The following BCL6 variants were observed in gnomAD, a reference collection of about 807,000 sequenced individuals.
BCL6 encodes B-cell lymphoma 6 protein.
BCL6 carries 7 observed loss-of-function variants against 59.5 expected under a neutral mutation model. The ratio of observed to expected loss-of-function variants is 0.12; its 90% CI spans 0.07 to 0.22. The LOEUF (loss-of-function observed/expected upper bound fraction) is 0.22, where lower values mean the gene tolerates loss of function less well. Among genes scored for constraint, BCL6 ranks in the 10% least tolerant of loss-of-function variants. BCL6 has a pLI of 1.00. For missense variants in BCL6, 685 were observed against 939.4 expected, an observed-to-expected ratio of 0.73 and a Z score of 3.54; for synonymous variants, 339 against 349.7, an observed-to-expected ratio of 0.97 and a Z score of 0.34.
At chr3:187,732,958 A>C (rs923808078) in intron 3 of BCL6, among the ~76,000 whole-genome samples, 9 of 152,208 alleles carry the variant, frequency 5.9e-5, no homozygotes, top group African/African-American at 1.7e-4. Flanking sequence ...TGAAGGCAAT[A>C]GTGTAATGCA....
At chr3:187,736,779 T>A (rs1719301410) in intron 1 of BCL6, 1 of 152,060 alleles carries the variant, frequency 6.6e-6, no homozygotes, top group African/African-American at 2.4e-5. Flanking sequence ...GTGGGTTGAG[T>A]GTGGGCAATG....
At chr3:187,744,262 G>A (rs1711761427) in intron 1 of BCL6, among the ~76,000 whole-genome samples, 1 of 152,098 alleles carries the variant, frequency 6.6e-6, no homozygotes, top group Admixed American at 6.5e-5. Flanking sequence ...CTGTCCTGTC[G>A]AGGTTCCCTG....
Position 187,728,367 on chromosome 3 carries a change from A to G in BCL6, c.1533T>C (p.Ser511=). 5 of 1,592,134 alleles carry G rather than the reference A, an allele frequency of 3.1e-6. No homozygotes were observed. Among genetic ancestry groups the G allele is most frequent in the Non-Finnish European group, 4.3e-6 (5 of 1,168,434 alleles). ...MGETQSEYSD[S]SCENGAFFCN... ...GGAGGGAAAAGGACTCACCACAGCT[A>G]GAATCTGAGTACTCAGACTGGGTCT... Residue 511 remains serine, a synonymous_variant, in exon 6 of 10, where the codon TCT becomes TCC. Transcript: ENST00000406870.
At chr3:187,723,342 A>G (rs968065024) in intron 9 of BCL6, among the ~76,000 whole-genome samples, 1 of 152,172 alleles carries the variant, frequency 6.6e-6, no homozygotes, top group African/African-American at 2.4e-5. Context: ...AAAATGGATG[A>G]CTAAATGTAA....
Position 187,722,269 on chromosome 3 carries a change from G to A in BCL6, c.*189C>T, listed in dbSNP as rs1002651622. 4 of 577,140 alleles carry A rather than the reference G, an allele frequency of 6.9e-6. No homozygotes were observed. The highest frequency in any genetic ancestry group is 4.6e-4 in the Middle Eastern group (1 of 2,158). The allele number at this position is 577,140 out of a possible 1,614,324, so 35.8% of individuals were successfully genotyped here. ...TTTTCTTAATGTTTTATGGCAGTGG[G>A]GGAGGGGGAGCTGCTGCGGCTCCCA... is the stretch of plus-strand genomic sequence containing the variant. On this transcript the variant is annotated 3_prime_UTR_variant, in exon 10 of 10. Transcript: ENST00000406870.
chr3:187,736,734 G>C (rs1018178311), intron 1 of BCL6: 1 of 148,160 alleles, frequency 6.7e-6, no homozygotes, highest in Non-Finnish European at 1.5e-5. Flanking sequence ...AAGCCAACTC[G>C]TCTTAAGAAC....
At chr3:187,736,916 G>A (rs986144181) in intron 1 of BCL6, 1 of 152,112 alleles carries the variant, frequency 6.6e-6, no homozygotes, top group African/African-American at 2.4e-5. Flanking sequence ...TAACAGCCCT[G>A]CTTTATTAGG....
At chr3:187,726,208 G>A (rs1718686413) in intron 7 of BCL6, among the ~76,000 whole-genome samples, 1 of 152,200 alleles carries the variant, frequency 6.6e-6, no homozygotes, top group Non-Finnish European at 1.5e-5. Flanking sequence ...TGGGGCTTGG[G>A]CCTGAGTAGA....
At chr3:187,744,051 A>G (rs2108482786) in intron 1 of BCL6, among the ~76,000 whole-genome samples, 1 of 152,030 alleles carries the variant, frequency 6.6e-6, no homozygotes, top group African/African-American at 2.4e-5. Flanking sequence ...CAAGGTAAGG[A>G]CCTCGGGAAT....
intron 7 of BCL6, among the ~76,000 whole-genome samples, chr3:187,726,272 T>C (rs1345167317): frequency 6.6e-6 from 1 of 152,190 alleles, no homozygotes; most frequent in Non-Finnish European, 1.5e-5. Context: ...TGGAAAGTTT[T>C]TGGGATAATA....
chr3:187,741,414 AACTCCTG>A (rs1391189575), intron 1 of BCL6, among the ~76,000 whole-genome samples: 2 of 151,982 alleles, frequency 1.3e-5, no homozygotes, highest in Non-Finnish European at 2.9e-5. Flanking sequence ...GTCGGGAATA[AACTCCTG>A]ATCTTCTCGG....
In BCL6 at chr3:187,729,178, C is replaced by T. The variant is rs750915742; in HGVS notation, c.1227G>A (p.Thr409=). The T allele has an allele frequency of 4.0e-5, 65 of 1,612,382 alleles. 1 individual carries two copies. The South Asian group carries it at 5.5e-4, about 14-fold the overall frequency. Reference sequence around the variant, plus strand: ...TGGGTGGCTGGCAGGCAGGTGGGGCCGTGTAGGCTCGTGGGGAAAGGCGGC... The same window carrying T: ...TGGGTGGCTGGCAGGCAGGTGGGGCTGTGTAGGCTCGTGGGGAAAGGCGGC... ...ELGRLSPRAY[T]APPACQPPME... The change falls in exon 5 of 10, where the codon ACG becomes ACA. Residue 409 remains threonine (T), a synonymous_variant. Coordinates refer to ENST00000406870, the MANE Select transcript of BCL6 (RefSeq NM_001706.5). This position sits in a 1 kb window ranked among gnomAD's most constrained non-coding sequence, Gnocchi z 5.6.
chr3:187,729,738 G>T lies in BCL6; in HGVS notation c.667C>A (p.Pro223Thr), dbSNP rs1480124716. ...FRDVRMPVANPFPKERALPCD... is the reference protein window; with the variant it reads ...FRDVRMPVANTFPKERALPCD... ...GGGAGTGCCCGCTCCTTGGGGAAGG[G>T]GTTGGCCACAGGCATCCGGACATCC... Residue 223 changes from proline (P) to threonine (T), a missense_variant, in exon 5 of 10, where the codon CCC becomes ACC. This residue lies in a region of BCL6 where 268 missense variants were observed against 263.8 expected (regional missense o/e 1.02). Coordinates refer to ENST00000406870, the MANE Select transcript of BCL6 (RefSeq NM_001706.5). This position sits in a 1 kb window ranked among gnomAD's most constrained non-coding sequence, Gnocchi z 5.6. 2 of 1,614,070 alleles carry T rather than the reference G, an allele frequency of 1.2e-6. No individual in the cohort carries two copies. The highest frequency in any genetic ancestry group is 1.7e-6 in the Non-Finnish European group (2 of 1,180,044).
At chr3:187,744,503 C>G (rs1711785091) in intron 1 of BCL6, among the ~76,000 whole-genome samples, 2 of 152,260 alleles carry the variant, frequency 1.3e-5, no homozygotes, top group African/African-American at 2.4e-5. Flanking sequence ...AAACACTCGG[C>G]TCTCATTAGG....
At position 187,726,897 on chromosome 3, in the gene BCL6, C is replaced by G; in HGVS notation, c.1542G>C (p.Glu514Asp). The G allele has an allele frequency of 1.9e-6, 3 of 1,614,030 alleles. No homozygotes were observed. The highest frequency in any genetic ancestry group is 2.5e-6 in the Non-Finnish European group (3 of 1,179,954). ...ACTCATTGCAGAAGAAGGCCCCGTT[C>G]TCTGTTGGAGGGTGGTAGGGGGACA... ...TQSEYSDSSCENGAFFCNECD... is the reference protein window; with the variant it reads ...TQSEYSDSSCDNGAFFCNECD... The change falls in exon 7 of 10, where the codon GAG becomes GAC. Residue 514 changes from glutamate (E) to aspartate (D), a missense_variant and splice_region_variant. Around this residue, in one of 7 missense-constraint regions of BCL6, gnomAD observed 207 missense variants for 213.7 expected, o/e 0.97. Coordinates refer to ENST00000406870, the MANE Select transcript of BCL6 (RefSeq NM_001706.5).
At chr3:187,745,130 A>G (rs542726070) in intron 1 of BCL6, among the ~76,000 whole-genome samples, 4 of 152,234 alleles carry the variant, frequency 2.6e-5, no homozygotes, top group East Asian at 1.9e-4. Context: ...CAATAATAAT[A>G]ATAAATACAT....
intron 3 of BCL6, chr3:187,732,396 TA>T: frequency 2.3e-6 from 1 of 434,132 alleles, no homozygotes. Flanking sequence ...GACAAATAAA[TA>T]AAAATATGCC....
intron 1 of BCL6, among the ~76,000 whole-genome samples, chr3:187,744,426 A>G: frequency 6.6e-6 from 1 of 152,134 alleles, no homozygotes; most frequent in Non-Finnish European, 1.5e-5. Context: ...ACCAAGAAAG[A>G]ATAATTTTCA....
At chr3:187,735,496 C>T (rs1332755801) in intron 1 of BCL6, among the ~76,000 whole-genome samples, 3 of 152,212 alleles carry the variant, frequency 2.0e-5, no homozygotes, top group Admixed American at 2.0e-4. Context: ...TGAATATAGA[C>T]TCTGCAGAAC....
Sources: gnomAD v4.1 joint callset for allele counts (sites outside exome capture counted in the v4.1 genomes callset) on GRCh38, gnomAD v4.1.1 for gene constraint, gnomAD v4.1.1 regional missense constraint, Gnocchi (gnomAD v3.1) non-coding constraint, MANE v1.5 for transcripts, NCBI Gene and HGNC (gene_info 2026-07-23, HGNC 2026-07-21) for gene names.